Variants in ZDHHC14 observed in about 807,000 individuals in gnomAD.
ZDHHC14 encodes zDHHC palmitoyltransferase 14.
Under a neutral mutation model 47.7 loss-of-function variants are expected in ZDHHC14, and 16 were observed. The observed-to-expected ratio is 0.34, with a 90% CI of 0.23 to 0.51. The LOEUF (loss-of-function observed/expected upper bound fraction) is 0.51, where lower values mean the gene tolerates loss of function less well. Among genes scored for constraint, ZDHHC14 ranks in the 20% least tolerant of loss-of-function variants. The pLI is 0.97. For synonymous variants in ZDHHC14, 293 were observed against 278.9 expected (o/e 1.05, Z -0.50); for missense variants, 515 against 662.5 (o/e 0.78, Z 2.44).
Position 157,548,147 on chromosome 6 carries a change from G to T in ZDHHC14, c.406+5402G>T, listed in dbSNP as rs547860145. ...CAGGGTCAACATAGCAGGCATTAAA[G>T]GTGGCTAATTTGATTGCTTTTTGCC... On this transcript the variant is annotated intron_variant, in intron 2 of 8. Coordinates refer to ENST00000359775, the MANE Select transcript of ZDHHC14 (RefSeq NM_024630.3). Among the ~76,000 whole-genome samples the T allele has an allele frequency of 9.9e-5, 15 of 151,752 alleles. No homozygotes were observed. The South Asian group carries it at 1.5e-3, about 15-fold the overall frequency.
intron 2 of ZDHHC14, among the ~76,000 whole-genome samples, chr6:157,553,811 G>A (rs912995597): frequency 5.9e-5 from 9 of 152,092 alleles, no homozygotes; most frequent in Non-Finnish European, 8.8e-5. Flanking sequence ...GTTGATTGAT[G>A]GCTACCATGT....
chr6:157,553,719 A>T lies in ZDHHC14; in HGVS notation c.406+10974A>T, dbSNP rs572682785. Among the ~76,000 whole-genome samples, 479 of 152,314 alleles carry T rather than the reference A, an allele frequency of 3.1e-3. 3 individuals are homozygous for T. Among genetic ancestry groups the T allele is most frequent in the Non-Finnish European group, 4.3e-3 (293 of 68,034 alleles). On this transcript the variant is annotated intron_variant, in intron 2 of 8. Coordinates refer to ENST00000359775, the MANE Select transcript of ZDHHC14 (RefSeq NM_024630.3). ...CTGTGCCCTGGAAAACTTACATGTA[A>T]GGATGGGAGATACATTAACTGTTTA... is the stretch of plus-strand genomic sequence containing the variant.
At chr6:157,604,571 G>A (rs1784459274) in intron 3 of ZDHHC14, among the ~76,000 whole-genome samples, 1 of 150,188 alleles carries the variant, frequency 6.7e-6, no homozygotes, top group African/African-American at 2.5e-5. Context: ...TTTTTGAGAC[G>A]GATTCTTGCT....
intron 3 of ZDHHC14, among the ~76,000 whole-genome samples, chr6:157,593,973 C>T (rs1784018877): frequency 6.6e-6 from 1 of 152,188 alleles, no homozygotes; most frequent in African/African-American, 2.4e-5. Context: ...AGACTCATGG[C>T]CTGCCTCTAG....
chr6:157,448,622 A>G (rs1778734479), intron 1 of ZDHHC14, among the ~76,000 whole-genome samples: 1 of 152,202 alleles, frequency 6.6e-6, no homozygotes, highest in Non-Finnish European at 1.5e-5. Context: ...TTTATTCAGA[A>G]CCTAGTTGTG....
chr6:157,506,902 G>T (rs576198259), intron 1 of ZDHHC14, among the ~76,000 whole-genome samples: 3 of 107,108 alleles, frequency 2.8e-5, no homozygotes, highest in Non-Finnish European at 5.6e-5. Context: ...GGAAAGTAGA[G>T]TCATTTTTTT....
intron 1 of ZDHHC14, among the ~76,000 whole-genome samples, chr6:157,495,259 A>AT (rs11360448): frequency 6.6e-6 from 1 of 151,670 alleles, no homozygotes; most frequent in Non-Finnish European, 1.5e-5. Flanking sequence ...TAACTATGAG[A>AT]TTTTTTTTTA....
chr6:157,409,841 G>GT (rs1342548333), intron 1 of ZDHHC14, among the ~76,000 whole-genome samples: 1 of 149,980 alleles, frequency 6.7e-6, no homozygotes, highest in African/African-American at 2.5e-5. Flanking sequence ...TTATTTTTTG[G>GT]GGGGGGGGAC....
intron 2 of ZDHHC14, among the ~76,000 whole-genome samples, chr6:157,557,578 T>C (rs1414088637): frequency 6.6e-6 from 1 of 152,186 alleles, no homozygotes; most frequent in East Asian, 1.9e-4. Context: ...AACAAAACGT[T>C]ATTTTAGGGG....
chr6:157,555,419 C>T (rs1782418529), intron 2 of ZDHHC14, among the ~76,000 whole-genome samples: 1 of 152,168 alleles, frequency 6.6e-6, no homozygotes, highest in Admixed American at 6.5e-5. Flanking sequence ...AGAGAATTCC[C>T]CATTTTTTCT....
At chr6:157,542,523 A>T (rs1781804040) in intron 1 of ZDHHC14, 62 bp from the exon 2 acceptor site, 1 of 1,561,936 alleles carries the variant, frequency 6.4e-7, no homozygotes, top group Non-Finnish European at 8.7e-7. Context: ...CTTACTGTTG[A>T]TTCCTAACAT....
chr6:157,528,830 A>C (rs148753398), intron 1 of ZDHHC14, among the ~76,000 whole-genome samples: 2,849 of 148,000 alleles, frequency 0.019, 99 homozygotes, highest in African/African-American at 0.069. Flanking sequence ...AAAAAGCACA[A>C]TTAGATGAAG....
intron 1 of ZDHHC14, among the ~76,000 whole-genome samples, chr6:157,410,305 G>A (rs572846328): frequency 6.6e-6 from 1 of 152,160 alleles, no homozygotes; most frequent in South Asian, 2.1e-4. Flanking sequence ...CATCTTCCAC[G>A]GAAAGTGGAA....
intron 1 of ZDHHC14, among the ~76,000 whole-genome samples, chr6:157,511,136 C>G (rs568542249): frequency 7.6e-4 from 116 of 152,182 alleles, no homozygotes; most frequent in African/African-American, 2.6e-3. Context: ...TGTGTGGGTT[C>G]CAGGGCCCTG....
At chr6:157,440,360 CT>C (rs1412000188) in intron 1 of ZDHHC14, among the ~76,000 whole-genome samples, 1 of 152,066 alleles carries the variant, frequency 6.6e-6, no homozygotes, top group Non-Finnish European at 1.5e-5. Flanking sequence ...TGAGATACCT[CT>C]TCACACCCAC....
chr6:157,464,405 C>T (rs1472965614), intron 1 of ZDHHC14, among the ~76,000 whole-genome samples: 1 of 152,170 alleles, frequency 6.6e-6, no homozygotes, highest in Non-Finnish European at 1.5e-5. Flanking sequence ...TTCATAGTTT[C>T]CTCATTCATT....
chr6:157,471,052 C>T (rs900728284), intron 1 of ZDHHC14, among the ~76,000 whole-genome samples: 6 of 152,154 alleles, frequency 3.9e-5, no homozygotes, highest in Non-Finnish European at 8.8e-5. Flanking sequence ...CCTGAGGACC[C>T]GGGTTATGAG....
intron 2 of ZDHHC14, among the ~76,000 whole-genome samples, chr6:157,554,715 G>A (rs2114828747): frequency 6.6e-6 from 1 of 152,316 alleles, no homozygotes; most frequent in South Asian, 2.1e-4. Flanking sequence ...AGAATTCTAA[G>A]CTTTTTGAGC....
At chr6:157,498,120 T>C (rs17298487) in intron 1 of ZDHHC14, among the ~76,000 whole-genome samples, 17,768 of 152,154 alleles carry the variant, frequency 0.12, 1,308 homozygotes, top group Non-Finnish European at 0.15. Flanking sequence ...TGATGCACTA[T>C]GAATGGAGGA....
Sources: allele counts gnomAD v4.1 joint callset (sites outside exome capture counted in the v4.1 genomes callset), GRCh38; gene constraint gnomAD v4.1.1; transcripts MANE v1.5; gene names NCBI Gene and HGNC (gene_info 2026-07-23, HGNC 2026-07-21).